ANXA8: variants seen among roughly 807,000 people sequenced by gnomAD.
ANXA8 encodes the protein VAC-beta.
ANXA8 carries 9 observed loss-of-function variants against 26.8 expected under a neutral mutation model. The ratio of observed to expected loss-of-function variants is 0.34; its 90% CI spans 0.20 to 0.59. The LOEUF is 0.59. Ranked by LOEUF, ANXA8 falls within the 20% of genes least tolerant of loss-of-function variation. The pLI, the probability that ANXA8 is intolerant of heterozygous loss-of-function variation, is 0.84. For synonymous variants in ANXA8, 39 were observed against 94.8 expected, an observed-to-expected ratio of 0.41 and a Z score of 3.42; for missense variants, 83 against 238.5, an observed-to-expected ratio of 0.35 and a Z score of 4.29.
At chr10:47,968,988 TA>T in the ANXA8 span, among the ~76,000 whole-genome samples, 1 of 147,898 alleles carries the variant, frequency 6.8e-6, no homozygotes, top group South Asian at 2.2e-4. Context: ...TTGAAAAAAA[TA>T]AATAAAACTG....
chr10:47,733,201 C>CT, the ANXA8 span, among the ~76,000 whole-genome samples: 16 of 89,350 alleles, frequency 1.8e-4, no homozygotes, highest in Middle Eastern at 5.1e-3. Context: ...TTCTTTCTTT[C>CT]TTTCTTTCTT....
the ANXA8 span, among the ~76,000 whole-genome samples, chr10:47,943,975 G>A: frequency 6.8e-6 from 1 of 147,824 alleles, no homozygotes; most frequent in African/African-American, 2.6e-5. Context: ...CAGCCCCTGG[G>A]GCAGACACTC....
chr10:47,749,556 C>CTGGGAAACAATAAAAAA, the ANXA8 span, among the ~76,000 whole-genome samples: 1 of 143,370 alleles, frequency 7.0e-6, no homozygotes, highest in Non-Finnish European at 1.5e-5. Context: ...ATAGCATTGT[C>CTGGGAAACAATAAAAAA]TGGGAAACAA....
the ANXA8 span, among the ~76,000 whole-genome samples, chr10:47,989,481 G>A: frequency 0.034 from 4,177 of 121,730 alleles, 370 homozygotes; most frequent in Middle Eastern, 0.053. Context: ...AGAAGCCTCT[G>A]TCTCACTTCC....
At chr10:47,582,205 T>G in the ANXA8 span, 1 of 160,780 alleles carries the variant, frequency 6.2e-6, no homozygotes, top group East Asian at 1.6e-4. Context: ...CCATGTCATA[T>G]AATCTCTTGT....
the ANXA8 span, among the ~76,000 whole-genome samples, chr10:47,699,344 C>CAAAA: frequency 4.8e-3 from 254 of 52,732 alleles, no homozygotes; most frequent in Middle Eastern, 0.013. Flanking sequence ...ATTCTGTCTC[C>CAAAA]AAAAAAAAAA....
chr10:47,636,712 C>T, the ANXA8 span, among the ~76,000 whole-genome samples: 2 of 152,084 alleles, frequency 1.3e-5, no homozygotes, highest in Non-Finnish European at 2.9e-5. Context: ...CCTTCAACAA[C>T]AAATGCAAAA....
the ANXA8 span, among the ~76,000 whole-genome samples, chr10:47,675,767 TAGTC>T: frequency 1.3e-5 from 2 of 151,654 alleles, no homozygotes; most frequent in Admixed American, 6.6e-5. Flanking sequence ...AGAGAAGAAA[TAGTC>T]AGTAGAAGAA....
chr10:47,680,620 G>A, the ANXA8 span, among the ~76,000 whole-genome samples: 7 of 149,998 alleles, frequency 4.7e-5, no homozygotes, highest in Admixed American at 2.6e-4. Context: ...GGGCAACAGA[G>A]CAAGACTCCA....
the ANXA8 span, among the ~76,000 whole-genome samples, chr10:47,749,672 A>G: frequency 9.9e-5 from 14 of 140,748 alleles, 1 homozygote; most frequent in Admixed American, 5.6e-4. Flanking sequence ...AACCAATGGT[A>G]GGGGGGGAAA....
the ANXA8 span, among the ~76,000 whole-genome samples, chr10:47,734,317 A>G: frequency 7.1e-6 from 1 of 140,682 alleles, no homozygotes; most frequent in Non-Finnish European, 1.5e-5. Flanking sequence ...CATCTTCCAT[A>G]TTGCACATGT....
chr10:47,572,708 A>G, the ANXA8 span, among the ~76,000 whole-genome samples: 2 of 127,680 alleles, frequency 1.6e-5, no homozygotes, highest in Admixed American at 1.6e-4. Flanking sequence ...CAAGAGTGAA[A>G]CTCCGTCTCA....
At chr10:47,988,932 G>A in the ANXA8 span, among the ~76,000 whole-genome samples, 5 of 151,736 alleles carry the variant, frequency 3.3e-5, no homozygotes, top group East Asian at 5.8e-4. Flanking sequence ...CCACACACAC[G>A]ATATCCCTTG....
the ANXA8 span, among the ~76,000 whole-genome samples, chr10:47,595,913 C>T: frequency 3.4e-5 from 5 of 148,608 alleles, no homozygotes; most frequent in Admixed American, 6.6e-5. Flanking sequence ...CCAATTGAAC[C>T]TAATAGACAT....
At chr10:47,643,422 G>C in the ANXA8 span, among the ~76,000 whole-genome samples, 2 of 145,010 alleles carry the variant, frequency 1.4e-5, no homozygotes, top group Non-Finnish European at 2.9e-5. Context: ...CCAGCTACTC[G>C]GGAGGCTGAG....
chr10:47,516,659 C>T, the ANXA8 span, among the ~76,000 whole-genome samples: 1 of 136,020 alleles, frequency 7.4e-6, no homozygotes, highest in Non-Finnish European at 1.5e-5. Flanking sequence ...CTAGGGAAAC[C>T]CACGCTATAT....
chr10:47,960,045 G>A, the ANXA8 span, among the ~76,000 whole-genome samples: 3 of 148,300 alleles, frequency 2.0e-5, no homozygotes, highest in Non-Finnish European at 4.4e-5. Flanking sequence ...TGACTCAGAC[G>A]CCATCTGACT....
At chr10:47,968,694 A>G in the ANXA8 span, among the ~76,000 whole-genome samples, 1 of 150,420 alleles carries the variant, frequency 6.6e-6, no homozygotes. Flanking sequence ...GGTCATTCAC[A>G]GTATGGTATT....
At chr10:47,706,007 G>GC in the ANXA8 span, among the ~76,000 whole-genome samples, 1 of 149,588 alleles carries the variant, frequency 6.7e-6, no homozygotes, top group African/African-American at 2.4e-5. Flanking sequence ...GTGTTGTGGG[G>GC]GGGGAGGGGC....
Sources: gnomAD v4.1 joint callset for allele counts (sites outside exome capture counted in the v4.1 genomes callset) on GRCh38, gnomAD v4.1.1 for gene constraint, MANE v1.5 for transcripts, NCBI Gene and HGNC (gene_info 2026-07-23, HGNC 2026-07-21) for gene names.